WDR59: variants seen among roughly 807,000 people sequenced by gnomAD.
WDR59 encodes the protein WD repeat domain 59, also known as GATOR2 complex protein WDR59.
In WDR59, 100 loss-of-function variants were observed where a neutral mutation model predicts 131.2. That is an observed-to-expected ratio of 0.76 (90% CI 0.65 to 0.90). WDR59 has a LOEUF of 0.90. WDR59 is among the 40% of genes least tolerant of loss of function. The pLI is 0.00. For missense variants in WDR59, 1,203 were observed against 1,262.2 expected (o/e 0.95, Z 0.71); for synonymous variants, 601 against 466.2 (o/e 1.29, Z -3.72).
At chr16:74,969,399 A>T (rs1212464046) in intron 1 of WDR59, among the ~76,000 whole-genome samples, 1 of 151,588 alleles carries the variant, frequency 6.6e-6, no homozygotes, top group East Asian at 1.9e-4. Flanking sequence ...CAGCCTCCTG[A>T]GTAGGTGGGA....
At chr16:74,919,579 G>C (rs1392542076) in intron 10 of WDR59, among the ~76,000 whole-genome samples, 1 of 151,942 alleles carries the variant, frequency 6.6e-6, no homozygotes, top group African/African-American at 2.4e-5. Context: ...CTGGCCTCAA[G>C]TGATCAACCT....
Position 74,873,032 on chromosome 16 carries a change from C to A in WDR59, c.*1177G>T, listed in dbSNP as rs1002577492. 3 of 152,230 alleles carry A rather than the reference C, an allele frequency of 2.0e-5. No individual in the cohort carries two copies. Among genetic ancestry groups the A allele is most frequent in the African/African-American group, 7.2e-5 (3 of 41,444 alleles). The allele number at this position is 152,230 out of a possible 1,614,324, so 9.4% of individuals were successfully genotyped here. On this transcript the variant is annotated 3_prime_UTR_variant, in exon 26 of 26. Coordinates refer to ENST00000262144, the MANE Select transcript of WDR59 (RefSeq NM_030581.4). The stretch of plus-strand genomic sequence containing the variant: ...TCAAGCGATTCTCCTGTCTCAGCCT[C>A]CCCAGTACCTGGGATTACAGGCGCC...
chr16:74,884,845 G>A (rs1305358396), intron 25 of WDR59, among the ~76,000 whole-genome samples: 3 of 152,100 alleles, frequency 2.0e-5, no homozygotes, highest in Non-Finnish European at 2.9e-5. Flanking sequence ...ACTCTGCACC[G>A]ATGGCTCCAC....
chr16:74,905,566 C>CA (rs1282259407), intron 17 of WDR59, among the ~76,000 whole-genome samples: 6 of 151,458 alleles, frequency 4.0e-5, no homozygotes, highest in Non-Finnish European at 7.4e-5. Context: ...CCTGTAGTCC[C>CA]AGCTACTCGG....
At chr16:74,918,364 T>C (rs908766408) in intron 10 of WDR59, among the ~76,000 whole-genome samples, 1 of 152,208 alleles carries the variant, frequency 6.6e-6, no homozygotes, top group Admixed American at 6.5e-5. Context: ...ACTGGCAAAT[T>C]AGCAGGTAAA....
chr16:74,945,068 G>C (rs2032515373), intron 6 of WDR59, among the ~76,000 whole-genome samples: 1 of 151,732 alleles, frequency 6.6e-6, no homozygotes, highest in African/African-American at 2.4e-5. Context: ...AGGTTGCGGT[G>C]AGCCAAGATC....
chr16:74,981,637 TATATA>T lies in WDR59; in HGVS notation c.54+3322_54+3326del, dbSNP rs2034417519. Among the ~76,000 whole-genome samples, 31 of 31,500 alleles carry T rather than the reference TATATA, an allele frequency of 9.8e-4. 4 individuals carry two copies. Among genetic ancestry groups the T allele is most frequent in the African/African-American group, 3.9e-3 (31 of 7,904 alleles). The allele number at this position is 31,500 out of a possible 152,430, so 20.7% of individuals were successfully genotyped here. On this transcript the variant is annotated intron_variant, in intron 1 of 25. Transcript: ENST00000262144. The stretch of plus-strand genomic sequence containing the variant: ...ACATATATATATATATATATATATA[TATATA>T]TATATATATATATATATATTTTTTT...
At chr16:74,954,372 C>T (rs2033175297) in intron 3 of WDR59, among the ~76,000 whole-genome samples, 1 of 152,214 alleles carries the variant, frequency 6.6e-6, no homozygotes, top group Admixed American at 6.5e-5. Context: ...CATGCCACTG[C>T]ACTCCAGCCT....
At chr16:74,902,344 C>T (rs1965592862) in intron 18 of WDR59, among the ~76,000 whole-genome samples, 1 of 152,142 alleles carries the variant, frequency 6.6e-6, no homozygotes, top group African/African-American at 2.4e-5. Context: ...TTTCACAACT[C>T]TTCTCCACTC....
chr16:74,881,008 G>A (rs548083540), intron 25 of WDR59, among the ~76,000 whole-genome samples: 1 of 152,202 alleles, frequency 6.6e-6, no homozygotes, highest in Non-Finnish European at 1.5e-5. Flanking sequence ...CTACCTCTAT[G>A]GAGGGAATTC....
chr16:74,941,555 G>A (rs759131483), intron 7 of WDR59, among the ~76,000 whole-genome samples: 23 of 152,046 alleles, frequency 1.5e-4, no homozygotes, highest in Admixed American at 3.9e-4. Context: ...TTAGCTGGGC[G>A]TGGTGGTGTG....
intron 1 of WDR59, among the ~76,000 whole-genome samples, chr16:74,983,208 C>T (rs7201377): frequency 0.047 from 7,131 of 152,110 alleles, 292 homozygotes; most frequent in Admixed American, 0.11. Context: ...TGTAGTGGCT[C>T]ACACCTGTAA....
chr16:74,924,075 T>C, intron 8 of WDR59, 72 bp from the exon 9 acceptor site: 1 of 1,426,172 alleles, frequency 7.0e-7, no homozygotes, highest in South Asian at 1.2e-5. Context: ...AAGCACAGCC[T>C]TTGAACTCAT....
chr16:74,960,658 T>C (rs1247015402), intron 2 of WDR59, among the ~76,000 whole-genome samples: 1 of 149,494 alleles, frequency 6.7e-6, no homozygotes, highest in Non-Finnish European at 1.5e-5. Flanking sequence ...GGCATGAAAA[T>C]CGCTTGAACC....
chr16:74,952,279 A>G (rs2033045620), intron 3 of WDR59, among the ~76,000 whole-genome samples: 1 of 151,724 alleles, frequency 6.6e-6, no homozygotes, highest in Admixed American at 6.6e-5. Context: ...CATCTCTACA[A>G]AAAAAATTAA....
At chr16:74,918,389 T>A (rs902370217) in intron 10 of WDR59, among the ~76,000 whole-genome samples, 6 of 152,226 alleles carry the variant, frequency 3.9e-5, no homozygotes, top group Non-Finnish European at 7.3e-5. Flanking sequence ...GATGCTGGGA[T>A]TTAATGTCAC....
intron 2 of WDR59, among the ~76,000 whole-genome samples, chr16:74,958,818 T>G (rs1168991922): frequency 7.1e-6 from 1 of 141,272 alleles, no homozygotes; most frequent in Non-Finnish European, 1.6e-5. Flanking sequence ...ATCCCAGCAC[T>G]GTGGGAGGCC....
In WDR59 at chr16:74,874,317, C is replaced by T. The variant is rs950474673; in HGVS notation, c.2817G>A (p.Leu939=). Residue 939 remains leucine, a synonymous_variant, in exon 26 of 26, where the codon CTG becomes CTA. Coordinates refer to ENST00000262144, the MANE Select transcript of WDR59 (RefSeq NM_030581.4). ...VAVRGSSNFC[L]TCGHGGHTSH... ...TGGTGTGGCCACCGTGCCCACAGGT[C>T]AGGCAGAAATTGGACGATCCCCGCA... is the stretch of plus-strand genomic sequence containing the variant. 1.2e-6 allele frequency: 2 copies of T among 1,614,022 alleles called. No homozygotes were observed. The highest frequency in any genetic ancestry group is 2.7e-5 in the African/African-American group (2 of 74,946).
At chr16:74,964,277 G>A (rs981213595) in intron 2 of WDR59, among the ~76,000 whole-genome samples, 1 of 151,696 alleles carries the variant, frequency 6.6e-6, no homozygotes, top group African/African-American at 2.4e-5. Context: ...TACTCGGGAG[G>A]CTGAGGCAGG....
Sources: allele counts gnomAD v4.1 joint callset (sites outside exome capture counted in the v4.1 genomes callset), GRCh38; gene constraint gnomAD v4.1.1; transcripts MANE v1.5; gene names NCBI Gene and HGNC (gene_info 2026-07-23, HGNC 2026-07-21).